The following SUPT20H variants were observed in gnomAD, a reference collection of about 807,000 sequenced individuals.
The protein encoded by SUPT20H is transcription factor SPT20 homolog.
In SUPT20H, 82 loss-of-function variants were observed where a neutral mutation model predicts 122.8. The observed-to-expected ratio is 0.67, with a 90% CI of 0.56 to 0.80. SUPT20H has a LOEUF of 0.80. Among genes scored for constraint, SUPT20H ranks in the 30% least tolerant of loss-of-function variants. The probability of loss-of-function intolerance (pLI) is 0.00; values close to 1 mark genes in which losing one functional copy is unlikely to be tolerated. For missense variants in SUPT20H, 831 were observed against 921.6 expected, an observed-to-expected ratio of 0.90 and a Z score of 1.27; for synonymous variants, 291 against 313.0, an observed-to-expected ratio of 0.93 and a Z score of 0.74.
In SUPT20H at chr13:37,051,532, T is replaced by C. The variant is rs750760791; in HGVS notation, c.-42A>G. 4 of 1,605,838 alleles carry C rather than the reference T, an allele frequency of 2.5e-6. No individual in the cohort carries two copies. In the South Asian group the frequency reaches 3.3e-5, roughly 13 times the overall value. ...GGTCCAAAAGAAGAGATAACTTATG[T>C]ACGCTGATGAAGTGGGGTGAACACC... On this transcript the variant is annotated 5_prime_UTR_variant, in exon 2 of 26. Transcript: ENST00000350612.
Position 37,022,331 on chromosome 13 carries a change from A to G in SUPT20H, c.1592-251T>C. ...GAGTTCCAGATCCTGCTCATTGAGA[A>G]AAATAAAAATTGCTAGTTTGTTATA... On this transcript the variant is annotated intron_variant, in intron 19 of 25. Transcript: ENST00000350612. This position sits in a 1 kb window ranked among gnomAD's most constrained non-coding sequence, Gnocchi z 4.5. 1 of 1,339,368 alleles carries G rather than the reference A, an allele frequency of 7.5e-7. No individual in the cohort carries two copies. The highest frequency in any genetic ancestry group is 9.6e-7 in the Non-Finnish European group (1 of 1,044,582). 83.0% of individuals were successfully genotyped at this position (1,339,368 alleles called of 1,614,324 possible).
At chr13:37,020,948 G>A (rs1411736096) in intron 21 of SUPT20H, among the ~76,000 whole-genome samples, 4 of 152,042 alleles carry the variant, frequency 2.6e-5, no homozygotes, top group Non-Finnish European at 5.9e-5. Context: ...TAATCCTCAC[G>A]ACTATGAGGT....
At chr13:37,057,052 A>T (rs1474416684) in intron 1 of SUPT20H, 1 of 152,296 alleles carries the variant, frequency 6.6e-6, no homozygotes, top group Non-Finnish European at 1.5e-5. Context: ...TAACCCCAGG[A>T]CTTTGGGAGG....
chr13:37,051,619 A>G (rs1449934413), intron 1 of SUPT20H, 36 bp from the exon 2 acceptor site: 2 of 629,626 alleles, frequency 3.2e-6, no homozygotes, highest in Non-Finnish European at 5.3e-6. Context: ...CAATATTAAC[A>G]TAAGGCTATT....
At chr13:37,021,630 A>G (rs768534321) in intron 20 of SUPT20H, 28 bp from the exon 21 acceptor site, 3 of 1,575,610 alleles carry the variant, frequency 1.9e-6, no homozygotes, top group East Asian at 4.5e-5. Flanking sequence ...AAAGCATTAA[A>G]CTTCACTGTA....
chr13:37,026,581 T>A lies in SUPT20H; in HGVS notation c.1178+209A>T, dbSNP rs116184462. Among the ~76,000 whole-genome samples the A allele has an allele frequency of 7.3e-4, 111 of 152,240 alleles. 1 individual carries two copies. Among genetic ancestry groups the A allele is most frequent in the African/African-American group, 2.5e-3 (104 of 41,584 alleles). On this transcript the variant is annotated intron_variant, in intron 15 of 25. Transcript: ENST00000350612. ...CTAAAGCAAAATCACTGAACTAACA[T>A]GTGCAAAGGTCTTTGGCCTTCCTCT...
At chr13:37,059,287 C>T (rs1250504784) in intron 1 of SUPT20H, 3 of 152,274 alleles carry the variant, frequency 2.0e-5, no homozygotes, top group African/African-American at 7.2e-5. Flanking sequence ...AGGCAAAATT[C>T]TTGCCAGTGT....
Position 37,021,988 on chromosome 13 carries a change from T to A in SUPT20H, c.1661+23A>T, listed in dbSNP as rs529886317. On this transcript the variant is annotated intron_variant, in intron 20 of 25. Transcript: ENST00000350612. ...TGAAACTATCTTTATAAAAAAAAAA[T>A]CCGAACATCAATGCAAACTTACCAA... 137 of 1,530,104 alleles carry A rather than the reference T, an allele frequency of 9.0e-5. 2 individuals are homozygous for A. The South Asian group carries it at 1.7e-3, about 19-fold the overall frequency. The allele number at this position is 1,530,104 out of a possible 1,614,324, so 94.8% of individuals were successfully genotyped here. A position where few individuals can be genotyped will look rare whatever the true frequency, so the allele number is the denominator to read the frequency against.
At chr13:37,041,512 C>T (rs1291012027) in intron 7 of SUPT20H, among the ~76,000 whole-genome samples, 1 of 147,106 alleles carries the variant, frequency 6.8e-6, no homozygotes, top group African/African-American at 2.5e-5. Flanking sequence ...AACGAGACTC[C>T]ACCTCAAAAA....
At chr13:37,041,504 C>A (rs1432123895) in intron 7 of SUPT20H, among the ~76,000 whole-genome samples, 1 of 148,418 alleles carries the variant, frequency 6.7e-6, no homozygotes, top group Non-Finnish European at 1.5e-5. Flanking sequence ...GGTGACAGAA[C>A]GAGACTCCAC....
At chr13:37,049,742 A>C (rs2067259434) in intron 2 of SUPT20H, among the ~76,000 whole-genome samples, 1 of 152,216 alleles carries the variant, frequency 6.6e-6, no homozygotes, top group Non-Finnish European at 1.5e-5. Flanking sequence ...TCCATCTCAA[A>C]AAAAACAAAA....
intron 9 of SUPT20H, among the ~76,000 whole-genome samples, chr13:37,035,871 C>T (rs1364402270): frequency 6.6e-6 from 1 of 152,166 alleles, no homozygotes; most frequent in African/African-American, 2.4e-5. Context: ...TGGCTGTGAA[C>T]ATTGTTGAAA....
chr13:37,022,371 T>C lies in SUPT20H; in HGVS notation c.1592-291A>G. 7.4e-7 allele frequency: 1 copy of C among 1,349,006 alleles called. No homozygotes were observed. Among genetic ancestry groups the C allele is most frequent in the Non-Finnish European group, 9.5e-7 (1 of 1,051,116 alleles). 83.6% of individuals were successfully genotyped at this position (1,349,006 alleles called of 1,614,324 possible). On this transcript the variant is annotated intron_variant, in intron 19 of 25. Coordinates refer to ENST00000350612, the MANE Select transcript of SUPT20H (RefSeq NM_001014286.3). The surrounding 1 kb of genome is among the most constrained non-coding windows in gnomAD (Gnocchi z 4.5). The stretch of plus-strand genomic sequence containing the variant: ...AGTTTGTTATAAATGGCCAGTCCTT[T>C]TAAAATAAGGTTAATGGAATCTTAC...
chr13:37,021,606 C>G lies in SUPT20H; in HGVS notation c.1662-4G>C. 2 of 1,610,158 alleles carry G rather than the reference C, an allele frequency of 1.2e-6. No homozygotes were observed. Among genetic ancestry groups the G allele is most frequent in the Non-Finnish European group, 1.7e-6 (2 of 1,178,660 alleles). On this transcript the variant is annotated splice_region_variant and splice_polypyrimidine_tract_variant and intron_variant, in intron 20 of 25. Transcript: ENST00000350612. ...ACTCATCAAAGCCTGGGCCCCACTG[C>G]AGGAGAATAAGACAAAGCATTAAAC...
chr13:37,040,256 C>G (rs1401777926), intron 9 of SUPT20H, 149 bp downstream of exon 9: 2 of 713,150 alleles, frequency 2.8e-6, no homozygotes, highest in Non-Finnish European at 4.5e-6. Flanking sequence ...CCCTTAACTT[C>G]TAGATCTTAT....
rs759847853 is a variant in SUPT20H, at chr13:37,040,687, A to G, written c.402T>C (p.Asn134=). 1.2e-6 allele frequency: 2 copies of G among 1,612,804 alleles called. No individual in the cohort carries two copies. Among genetic ancestry groups the G allele is most frequent in the Non-Finnish European group, 1.7e-6 (2 of 1,179,572 alleles). The stretch of plus-strand genomic sequence containing the variant: ...CTATGACACATCCGCAATGAAAAAT[A>G]TTAACCTGTTTGGGCAAAAATACGT... ...LVDLLEKSQV[N]IFHCGCVIAE... is the part of the protein sequence containing the mutation. Residue 134 remains asparagine (N), a synonymous_variant, in exon 8 of 26, where the codon AAT becomes AAC. Transcript: ENST00000350612.
At chr13:37,040,721 T>C (rs1244828214) in intron 7 of SUPT20H, 29 bp from the exon 8 acceptor site, 1 of 1,514,226 alleles carries the variant, frequency 6.6e-7, no homozygotes, top group Non-Finnish European at 9.1e-7. Flanking sequence ...GTAAACGTCA[T>C]TTTTTTTTCC....
rs775230282 is a variant in SUPT20H, at chr13:37,021,594, T to A, written c.1670A>T (p.Gln557Leu). The A allele has an allele frequency of 6.2e-7, 1 of 1,612,272 alleles. No homozygotes were observed. The highest frequency in any genetic ancestry group is 1.1e-5 in the South Asian group (1 of 90,832). The change falls in exon 21 of 26, where the codon CAG becomes CTG. Residue 557 changes from glutamine to leucine, a missense_variant. By Grantham distance (113) the Gln-to-Leu change is moderately radical. Coordinates refer to ENST00000350612, the MANE Select transcript of SUPT20H (RefSeq NM_001014286.3). ...GGGGTTTGAACCACTCATCAAAGCC[T>A]GGGCCCCACTGCAGGAGAATAAGAC... ...INVVGSVCGA[Q>L]ALMSGSNPML...
At chr13:37,017,148 T>C (rs2060649588) in intron 23 of SUPT20H, 97 bp downstream of exon 23, 25 of 1,539,980 alleles carry the variant, frequency 1.6e-5, no homozygotes, top group South Asian at 3.4e-5. Flanking sequence ...GTACAGGAAA[T>C]GTTTACACTA....
Sources: gnomAD v4.1 joint callset for allele counts (sites outside exome capture counted in the v4.1 genomes callset) on GRCh38, gnomAD v4.1.1 for gene constraint, Gnocchi (gnomAD v3.1) non-coding constraint, MANE v1.5 for transcripts, NCBI Gene and HGNC (gene_info 2026-07-23, HGNC 2026-07-21) for gene names.